STPG2: variants seen among roughly 807,000 people sequenced by gnomAD.
STPG2 encodes sperm tail PG-rich repeat containing 2, also known as sperm-tail PG-rich repeat-containing protein 2.
STPG2 carries 56 observed loss-of-function variants against 54.2 expected under a neutral mutation model. The ratio of observed to expected loss-of-function variants is 1.03; its 90% CI spans 0.83 to 1.29. The LOEUF (loss-of-function observed/expected upper bound fraction) is 1.29. STPG2 is among the 50% of genes most tolerant of loss of function. The probability of loss-of-function intolerance (pLI) is 0.00; values close to 1 mark genes in which losing one functional copy is unlikely to be tolerated. For missense variants in STPG2, 596 were observed against 544.9 expected (o/e 1.09, Z -0.93); for synonymous variants, 200 against 181.8 (o/e 1.10, Z -0.81).
chr4:97,649,598 G>C (rs930646123), intron 10 of STPG2, among the ~76,000 whole-genome samples: 1 of 152,134 alleles, frequency 6.6e-6, no homozygotes. Context: ...CCACCAATGG[G>C]GAGTGAAGAA....
chr4:98,022,574 G>T (rs549339750), intron 5 of STPG2, among the ~76,000 whole-genome samples: 2 of 151,994 alleles, frequency 1.3e-5, no homozygotes, highest in African/African-American at 2.4e-5. Context: ...TGCCTTGCTA[G>T]ATTGGGGAAG....
chr4:97,446,860 T>A, intron 4 of STPG2, among the ~76,000 whole-genome samples: 1 of 152,186 alleles, frequency 6.6e-6, no homozygotes, highest in Admixed American at 6.5e-5. Flanking sequence ...AGGTATTTCT[T>A]CATAGCAGCA....
At chr4:98,123,485 T>C (rs1031770971) in intron 3 of STPG2, among the ~76,000 whole-genome samples, 11 of 152,332 alleles carry the variant, frequency 7.2e-5, no homozygotes, top group South Asian at 2.1e-4. Context: ...AATTTCCATA[T>C]AGTCGTGTGG....
chr4:97,745,706 T>C (rs558740135), intron 9 of STPG2, among the ~76,000 whole-genome samples: 38 of 151,188 alleles, frequency 2.5e-4, no homozygotes, highest in Non-Finnish European at 4.8e-4. Flanking sequence ...CTGATTTACA[T>C]AGGACTATAT....
intron 5 of STPG2, among the ~76,000 whole-genome samples, chr4:98,003,927 G>A (rs1333317768): frequency 2.0e-5 from 3 of 151,996 alleles, no homozygotes; most frequent in Non-Finnish European, 4.4e-5. Flanking sequence ...ATGTTTTGAT[G>A]TATGAAAACA....
chr4:97,939,103 T>C (rs1732874725), intron 8 of STPG2, among the ~76,000 whole-genome samples: 1 of 152,220 alleles, frequency 6.6e-6, no homozygotes, highest in Non-Finnish European at 1.5e-5. Context: ...TTAATTTCCA[T>C]ATAATTGCAT....
intron 5 of STPG2, among the ~76,000 whole-genome samples, chr4:98,083,487 A>G (rs1485023039): frequency 6.6e-6 from 1 of 152,196 alleles, no homozygotes; most frequent in Non-Finnish European, 1.5e-5. Flanking sequence ...CAAGATTGAC[A>G]AGCAGAAAAA....
chr4:97,679,594 G>C (rs954885997), intron 10 of STPG2, among the ~76,000 whole-genome samples: 5 of 151,946 alleles, frequency 3.3e-5, no homozygotes, highest in African/African-American at 7.3e-5. Context: ...CACTCTGATG[G>C]TAGTTTCTTT....
chr4:97,528,949 C>G (rs1731350428), intron 4 of STPG2, among the ~76,000 whole-genome samples: 1 of 152,194 alleles, frequency 6.6e-6, no homozygotes, highest in East Asian at 1.9e-4. Flanking sequence ...CTGACTTCCT[C>G]TCTTCCTATT....
chr4:98,024,130 C>G (rs1307709532), intron 5 of STPG2, among the ~76,000 whole-genome samples: 1 of 152,218 alleles, frequency 6.6e-6, no homozygotes, highest in East Asian at 1.9e-4. Context: ...GTCACTCACG[C>G]TGGGAGCTGT....
chr4:98,113,853 A>G (rs1739430612), intron 3 of STPG2, among the ~76,000 whole-genome samples: 3 of 152,108 alleles, frequency 2.0e-5, no homozygotes, highest in African/African-American at 4.8e-5. Flanking sequence ...ATTCCTAAGT[A>G]TAACACAAAA....
rs1449692489 is a variant in STPG2 at position 97,541,518 on chromosome 4, T to C, written c.462+171181A>G. 8.5e-5 allele frequency among the ~76,000 whole-genome samples: 13 copies of C among 152,220 alleles called. No individual in the cohort carries two copies. In the East Asian group the frequency reaches 2.5e-3, roughly 29 times the overall value. ...ATTCCATGCTCATGGATAGGAAGAA[T>C]CAGTATCGTGAAAATGGCCATACTG... On this transcript the variant is annotated intron_variant, in intron 4 of 4. Coordinates refer to the STPG2 transcript ENST00000522676.
chr4:97,592,336 TATG>T (rs1265229704), intron 10 of STPG2, among the ~76,000 whole-genome samples: 2 of 152,212 alleles, frequency 1.3e-5, no homozygotes, highest in Non-Finnish European at 2.9e-5. Flanking sequence ...GTTTATGTAT[TATG>T]ATAATGAAAT....
intron 10 of STPG2, among the ~76,000 whole-genome samples, chr4:97,601,827 G>C (rs1733469757): frequency 6.6e-6 from 1 of 151,912 alleles, no homozygotes; most frequent in African/African-American, 2.4e-5. Flanking sequence ...AAACAAACTT[G>C]TCAAGTTCCT....
At chr4:98,118,436 A>G (rs1322021974) in intron 3 of STPG2, among the ~76,000 whole-genome samples, 1 of 152,126 alleles carries the variant, frequency 6.6e-6, no homozygotes. Flanking sequence ...ATTCTGGATA[A>G]TGGGAGCTAG....
chr4:97,696,416 A>C (rs774283883), intron 10 of STPG2, among the ~76,000 whole-genome samples: 1 of 152,252 alleles, frequency 6.6e-6, no homozygotes, highest in Non-Finnish European at 1.5e-5. Flanking sequence ...GAAACCATAC[A>C]AATTCCAGAA....
At chr4:97,719,667 T>C (rs544102635) in intron 9 of STPG2, among the ~76,000 whole-genome samples, 3 of 152,046 alleles carry the variant, frequency 2.0e-5, no homozygotes, top group East Asian at 1.9e-4. Flanking sequence ...CTGAATCTTA[T>C]GTGCCTGCCT....
chr4:97,469,893 C>T (rs527411685), intron 4 of STPG2, among the ~76,000 whole-genome samples: 28 of 152,022 alleles, frequency 1.8e-4, no homozygotes, highest in African/African-American at 6.0e-4. Context: ...AGTGAGAGAG[C>T]GACTGGAGAG....
intron 10 of STPG2, among the ~76,000 whole-genome samples, chr4:97,701,858 G>A (rs1252563600): frequency 6.6e-6 from 1 of 152,136 alleles, no homozygotes; most frequent in Admixed American, 6.5e-5. Context: ...TGACAGTTGA[G>A]TGCCACCACT....
Sources: allele counts gnomAD v4.1 joint callset (sites outside exome capture counted in the v4.1 genomes callset), GRCh38; gene constraint gnomAD v4.1.1; transcripts MANE v1.5; gene names NCBI Gene and HGNC (gene_info 2026-07-23, HGNC 2026-07-21).